The following NELL1 variants were observed in gnomAD, a reference collection of about 807,000 sequenced individuals.
NELL1 encodes the protein neural EGFL like 1.
A neutral mutation model predicts 107.4 loss-of-function variants in NELL1; 76 were observed. The observed-to-expected ratio is 0.71, with a 90% CI of 0.59 to 0.86. The LOEUF is 0.86. NELL1 is among the 40% of genes least tolerant of loss of function. The pLI, the probability that NELL1 is intolerant of heterozygous loss-of-function variation, is 0.00. For missense variants in NELL1, 1,024 were observed against 1,005.5 expected, an observed-to-expected ratio of 1.02 and a Z score of -0.25; for synonymous variants, 353 against 341.2, an observed-to-expected ratio of 1.03 and a Z score of -0.38.
At chr11:20,964,444 G>A (rs189098604) in intron 12 of NELL1, among the ~76,000 whole-genome samples, 38 of 152,278 alleles carry the variant, frequency 2.5e-4, no homozygotes, top group Admixed American at 1.2e-3. Flanking sequence ...CCTTTTACTT[G>A]CAGAGTGTTT....
rs142806671 is a variant in NELL1, at chr11:20,952,549, A to G, written c.1171+5114A>G. On this transcript the variant is annotated intron_variant, in intron 11 of 19. Coordinates refer to ENST00000357134, the MANE Select transcript of NELL1 (RefSeq NM_006157.5). The stretch of plus-strand genomic sequence containing the variant: ...AGAAAAAGGCACTTAATGAGAGTGT[A>G]AACTAGTGCCTAAATAGAGGAACTG... Among the ~76,000 whole-genome samples the G allele has an allele frequency of 6.2e-4, 95 of 152,350 alleles. 1 individual carries two copies. The East Asian group carries it at 0.014, about 22-fold the overall frequency.
At chr11:20,862,126 C>T (rs1848989623) in intron 4 of NELL1, among the ~76,000 whole-genome samples, 1 of 152,212 alleles carries the variant, frequency 6.6e-6, no homozygotes, top group Non-Finnish European at 1.5e-5. Context: ...ATGCTTTTCT[C>T]TGGAAAATTA....
rs77561922 is a variant in NELL1, at chr11:21,416,421, C to T, written c.1645+45473C>T. On this transcript the variant is annotated intron_variant, in intron 15 of 19. Coordinates refer to ENST00000357134, the MANE Select transcript of NELL1 (RefSeq NM_006157.5). The stretch of plus-strand genomic sequence containing the variant: ...ATTTCCCCTTCAAAGACATTTAGCT[C>T]CTGAACCTGTGCTTCCTGCATTAAT... Among the ~76,000 whole-genome samples, 784 of 152,086 alleles carry T rather than the reference C, an allele frequency of 5.2e-3. 12 individuals are homozygous for T. Among genetic ancestry groups the T allele is most frequent in the African/African-American group, 0.017 (724 of 41,510 alleles).
intron 15 of NELL1, among the ~76,000 whole-genome samples, chr11:21,375,435 C>T (rs368067791): frequency 1.3e-5 from 2 of 152,048 alleles, no homozygotes; most frequent in African/African-American, 4.8e-5. Context: ...ACCATATTTT[C>T]TTTATCCACT....
chr11:20,983,772 C>A (rs1393893160), intron 12 of NELL1, among the ~76,000 whole-genome samples: 8 of 148,508 alleles, frequency 5.4e-5, no homozygotes, highest in African/African-American at 1.3e-4. Context: ...GGATGTTGTA[C>A]ACAGAGTAAT....
chr11:21,079,728 A>C (rs964976607), intron 12 of NELL1, among the ~76,000 whole-genome samples: 1 of 152,074 alleles, frequency 6.6e-6, no homozygotes, highest in African/African-American at 2.4e-5. Context: ...CCAAAACTAT[A>C]TTTTGAAATA....
At chr11:20,907,418 T>C (rs2134141646) in intron 5 of NELL1, among the ~76,000 whole-genome samples, 1 of 152,128 alleles carries the variant, frequency 6.6e-6, no homozygotes, top group East Asian at 1.9e-4. Context: ...ATGATCTGAA[T>C]ACACATTTCT....
chr11:21,510,096 C>G (rs1219703331), intron 15 of NELL1, among the ~76,000 whole-genome samples: 1 of 152,172 alleles, frequency 6.6e-6, no homozygotes, highest in Non-Finnish European at 1.5e-5. Flanking sequence ...AGTTGAATGG[C>G]AAGACCTCTT....
At chr11:20,905,571 C>T (rs1329283560) in intron 5 of NELL1, among the ~76,000 whole-genome samples, 2 of 152,058 alleles carry the variant, frequency 1.3e-5, no homozygotes, top group East Asian at 3.9e-4. Flanking sequence ...ATGAGAATAT[C>T]AATGAAGAGA....
intron 15 of NELL1, among the ~76,000 whole-genome samples, chr11:21,392,782 G>T (rs1030727836): frequency 6.6e-6 from 1 of 151,708 alleles, no homozygotes; most frequent in Non-Finnish European, 1.5e-5. Context: ...ATTTTATACT[G>T]CATGACATTT....
intron 14 of NELL1, among the ~76,000 whole-genome samples, chr11:21,253,927 A>G (rs958310608): frequency 1.3e-5 from 2 of 152,104 alleles, no homozygotes; most frequent in African/African-American, 4.8e-5. Flanking sequence ...TCTTAGTTTA[A>G]ATTTGAAGGA....
At position 21,196,913 on chromosome 11, in the gene NELL1, C is replaced by A. The variant is rs565429865; in HGVS notation, c.1427-32419C>A. On this transcript the variant is annotated intron_variant, in intron 13 of 19. Transcript: ENST00000357134. ...TTTTTTTTTTTTCTCACTCTGTTGC[C>A]CAAGCTGGAGTGTAGTGGTGCCATC... Among the ~76,000 whole-genome samples the A allele has an allele frequency of 1.3e-3, 200 of 149,328 alleles. 3 individuals are homozygous for A. Among genetic ancestry groups the A allele is most frequent in the African/African-American group, 4.4e-3 (179 of 40,366 alleles).
intron 4 of NELL1, among the ~76,000 whole-genome samples, chr11:20,849,248 T>G (rs1848754734): frequency 6.6e-6 from 1 of 152,210 alleles, no homozygotes; most frequent in Admixed American, 6.5e-5. Context: ...ATTTCCAACT[T>G]AAGAGTCCTG....
intron 15 of NELL1, among the ~76,000 whole-genome samples, chr11:21,449,439 G>T (rs1038730799): frequency 1.3e-5 from 2 of 152,104 alleles, no homozygotes; most frequent in Admixed American, 6.5e-5. Flanking sequence ...CTTTTGAGAG[G>T]TTATTATAGA....
At chr11:21,555,277 A>T (rs183948729) in intron 16 of NELL1, among the ~76,000 whole-genome samples, 15 of 152,046 alleles carry the variant, frequency 9.9e-5, no homozygotes, top group African/African-American at 3.6e-4. Context: ...GAGAGCTCTT[A>T]GACTGAAATA....
chr11:20,959,148 A>G (rs1851238686), intron 11 of NELL1, among the ~76,000 whole-genome samples: 1 of 152,204 alleles, frequency 6.6e-6, no homozygotes, highest in African/African-American at 2.4e-5. Flanking sequence ...AAAGCACACC[A>G]TAGTATACTA....
At chr11:20,906,586 A>G (rs532230494) in intron 5 of NELL1, among the ~76,000 whole-genome samples, 98 of 152,246 alleles carry the variant, frequency 6.4e-4, no homozygotes, top group Non-Finnish European at 1.1e-3. Context: ...TGTAGAGGCA[A>G]CATTTCTCAA....
intron 13 of NELL1, among the ~76,000 whole-genome samples, chr11:21,168,466 C>T (rs920874311): frequency 6.6e-6 from 1 of 151,752 alleles, no homozygotes; most frequent in Non-Finnish European, 1.5e-5. Context: ...TTCTGTGTCA[C>T]CTCTTCTCTT....
intron 14 of NELL1, among the ~76,000 whole-genome samples, chr11:21,340,022 T>C (rs555464637): frequency 6.6e-6 from 1 of 152,238 alleles, no homozygotes; most frequent in East Asian, 1.9e-4. Context: ...TGTTCAGAGA[T>C]GCAGAGGCTC....
Sources: allele counts gnomAD v4.1 joint callset (sites outside exome capture counted in the v4.1 genomes callset), GRCh38; gene constraint gnomAD v4.1.1; transcripts MANE v1.5; gene names NCBI Gene and HGNC (gene_info 2026-07-23, HGNC 2026-07-21).